The following TMPRSS11B variants were observed in gnomAD, a reference collection of about 807,000 sequenced individuals.
TMPRSS11B encodes transmembrane serine protease 11B.
TMPRSS11B carries 53 observed loss-of-function variants against 44.7 expected under a neutral mutation model. The ratio of observed to expected loss-of-function variants is 1.19; its 90% CI spans 0.95 to 1.49. TMPRSS11B has a LOEUF of 1.49. Among genes scored for constraint, TMPRSS11B ranks in the 40% most tolerant of loss-of-function variants. The pLI is 0.00. For missense variants in TMPRSS11B, 526 were observed against 494.8 expected (o/e 1.06, Z -0.60); for synonymous variants, 140 against 159.2 (o/e 0.88, Z 0.91).
chr4:68,240,849 ATTATTGTATAGGG>A (rs1441094869), intron 2 of TMPRSS11B, among the ~76,000 whole-genome samples: 13 of 152,108 alleles, frequency 8.5e-5, no homozygotes. Flanking sequence ...TCTACATTGT[ATTATTGTATAGGG>A]TTATATATTT....
In TMPRSS11B at chr4:68,233,396, C is replaced by T. The variant is rs547834195; in HGVS notation, c.470-980G>A. On this transcript the variant is annotated intron_variant, in intron 5 of 9. Transcript: ENST00000332644. ...TGAAACTGGACTCTGAAATCATATG[C>T]TTATCACCTAGCTGGACTTTTAACA... Among the ~76,000 whole-genome samples the T allele has an allele frequency of 6.6e-5, 10 of 152,294 alleles. No individual in the cohort carries two copies. The South Asian group carries it at 2.1e-3, about 32-fold the overall frequency.
rs534636453 is a variant in TMPRSS11B at position 68,241,903 on chromosome 4, T to A, written c.9-99A>T. The A allele has an allele frequency of 7.3e-4, 524 of 713,706 alleles. 5 individuals carry two copies. In the South Asian group the frequency reaches 8.4e-3, roughly 11 times the overall value. The allele number at this position is 713,706 out of a possible 1,614,324, so 44.2% of individuals were successfully genotyped here. ...AGTACATGAATTGTAGTTTATACAT[T>A]AGTCCTTTATGCTAGCTGAAAACAT... On this transcript the variant is annotated intron_variant, in intron 1 of 9. Coordinates refer to ENST00000332644, the MANE Select transcript of TMPRSS11B (RefSeq NM_182502.3).
intron 1 of TMPRSS11B, among the ~76,000 whole-genome samples, chr4:68,244,902 T>C (rs1577982771): frequency 6.6e-6 from 1 of 152,328 alleles, no homozygotes; most frequent in Non-Finnish European, 1.5e-5. Flanking sequence ...ATTCTTCAAA[T>C]TTTATAAAAA....
At chr4:68,232,141 T>A in intron 6 of TMPRSS11B, 1 of 292,824 alleles carries the variant, frequency 3.4e-6, no homozygotes, top group Non-Finnish European at 6.3e-6. Flanking sequence ...TCACTCACAG[T>A]TTTATTATTT....
intron 2 of TMPRSS11B, among the ~76,000 whole-genome samples, chr4:68,237,376 G>A (rs1444918149): frequency 6.6e-6 from 1 of 152,050 alleles, no homozygotes; most frequent in African/African-American, 2.4e-5. Flanking sequence ...CTTTGCTATT[G>A]TGAACAGTGC....
At chr4:68,245,089 C>G (rs796548786) in intron 1 of TMPRSS11B, among the ~76,000 whole-genome samples, 6 of 152,198 alleles carry the variant, frequency 3.9e-5, no homozygotes, top group African/African-American at 1.4e-4. Flanking sequence ...GTTTTGAGAA[C>G]CTGCAGTTTG....
Position 68,241,678 on chromosome 4 carries a change from T to G in TMPRSS11B, c.124+11A>C. Reference sequence around the variant, plus strand: ...TAGCAAGGATGAAAACTGAAAATAATCAGTACTCACCAACTGCCAGAAAAT... The same window carrying G: ...TAGCAAGGATGAAAACTGAAAATAAGCAGTACTCACCAACTGCCAGAAAAT... On this transcript the variant is annotated intron_variant, in intron 2 of 9. Coordinates refer to ENST00000332644, the MANE Select transcript of TMPRSS11B (RefSeq NM_182502.3). 6.6e-7 allele frequency: 1 copy of G among 1,521,542 alleles called. No homozygotes were observed. The highest frequency in any genetic ancestry group is 2.3e-5 in the East Asian group (1 of 44,396). 94.3% of individuals were successfully genotyped at this position (1,521,542 alleles called of 1,614,324 possible).
At chr4:68,242,718 G>A (rs1389915705) in intron 1 of TMPRSS11B, among the ~76,000 whole-genome samples, 3 of 151,382 alleles carry the variant, frequency 2.0e-5, no homozygotes, top group Non-Finnish European at 4.4e-5. Flanking sequence ...CCACAGGGGT[G>A]CACCACCACA....
At chr4:68,241,660 G>A (rs781332286) in intron 2 of TMPRSS11B, 29 bp downstream of exon 2, 1 of 1,341,480 alleles carries the variant, frequency 7.5e-7, no homozygotes, top group Non-Finnish European at 1.1e-6. Flanking sequence ...TTATAGCAAG[G>A]ATGAAAACTG....
At chr4:68,244,927 A>G (rs1282595658) in intron 1 of TMPRSS11B, among the ~76,000 whole-genome samples, 2 of 152,190 alleles carry the variant, frequency 1.3e-5, no homozygotes, top group Admixed American at 6.6e-5. Flanking sequence ...CATTTTTTCC[A>G]TAGAAAACTT....
chr4:68,243,107 A>G (rs1212706922), intron 1 of TMPRSS11B, among the ~76,000 whole-genome samples: 1 of 152,164 alleles, frequency 6.6e-6, no homozygotes. Context: ...AGATGATGTT[A>G]TATAATTGTC....
rs567548279 is a variant in TMPRSS11B at position 68,227,695 on chromosome 4, C to T, written c.*216G>A. The T allele has an allele frequency of 2.0e-5, 4 of 203,884 alleles. No homozygotes were observed. Among genetic ancestry groups the T allele is most frequent in the Non-Finnish European group, 3.7e-5 (4 of 108,572 alleles). The allele number at this position is 203,884 out of a possible 1,614,324, so 12.6% of individuals were successfully genotyped here. ...GTGCTAGGATTACAGGCATGAGCCA[C>T]TACACCTGGCCTCTTCCTATCTCTT... is the stretch of plus-strand genomic sequence containing the variant. On this transcript the variant is annotated 3_prime_UTR_variant, in exon 10 of 10. Transcript: ENST00000332644.
chr4:68,229,182 G>T, intron 8 of TMPRSS11B, 75 bp downstream of exon 8: 1 of 1,153,266 alleles, frequency 8.7e-7, no homozygotes, highest in South Asian at 1.6e-5. Context: ...ATGAGGGGAT[G>T]ATTGATTGAT....
chr4:68,233,512 T>C (rs1249183776), intron 5 of TMPRSS11B, among the ~76,000 whole-genome samples: 3 of 152,172 alleles, frequency 2.0e-5, no homozygotes, highest in African/African-American at 7.2e-5. Flanking sequence ...ATCATTTTTC[T>C]GTGAGAAGCT....
At chr4:68,237,467 G>A (rs1225804973) in intron 2 of TMPRSS11B, among the ~76,000 whole-genome samples, 1 of 152,018 alleles carries the variant, frequency 6.6e-6, no homozygotes, top group Non-Finnish European at 1.5e-5. Flanking sequence ...CTCAGTAATG[G>A]GATTGCTGGG....
chr4:68,242,464 AATACCATGATG>A (rs1719888275), intron 1 of TMPRSS11B, among the ~76,000 whole-genome samples: 3 of 134,962 alleles, frequency 2.2e-5, no homozygotes, highest in African/African-American at 8.4e-5. Flanking sequence ...TGCAGATGGA[AATACCATGATG>A]TCAACTGCAA....
At chr4:68,233,063 C>CT (rs1719563327) in intron 5 of TMPRSS11B, among the ~76,000 whole-genome samples, 1 of 152,020 alleles carries the variant, frequency 6.6e-6, no homozygotes, top group South Asian at 2.1e-4. Context: ...AAATTTAAAT[C>CT]TTTTTCCTAT....
chr4:68,245,467 G>T (rs1263385307), intron 1 of TMPRSS11B, 84 bp downstream of exon 1: 1 of 1,400,546 alleles, frequency 7.1e-7, no homozygotes, highest in Non-Finnish European at 1.0e-6. Context: ...TATAAAAACA[G>T]TCAATTAACA....
intron 7 of TMPRSS11B, among the ~76,000 whole-genome samples, chr4:68,230,227 T>G (rs1478684125): frequency 1.3e-5 from 2 of 152,198 alleles, no homozygotes; most frequent in East Asian, 3.9e-4. Context: ...TACATACAAG[T>G]GCATATGGCT....
Sources: allele counts gnomAD v4.1 joint callset (sites outside exome capture counted in the v4.1 genomes callset), GRCh38; gene constraint gnomAD v4.1.1; transcripts MANE v1.5; gene names NCBI Gene and HGNC (gene_info 2026-07-23, HGNC 2026-07-21).